The following SERINC5 variants were observed in gnomAD, a reference collection of about 807,000 sequenced individuals.
SERINC5 encodes the protein chromosome 5 open reading frame 12.
A neutral mutation model predicts 63.1 loss-of-function variants in SERINC5; 41 were observed. The ratio of observed to expected loss-of-function variants is 0.65; its 90% CI spans 0.51 to 0.84. The LOEUF is 0.84. Ranked by LOEUF, SERINC5 falls within the 40% of genes least tolerant of loss-of-function variation. The pLI is 0.00. For missense variants in SERINC5, 523 were observed against 573.0 expected, an observed-to-expected ratio of 0.91 and a Z score of 0.89; for synonymous variants, 222 against 215.2, an observed-to-expected ratio of 1.03 and a Z score of -0.28.
intron 9 of SERINC5, among the ~76,000 whole-genome samples, chr5:80,149,594 T>A (rs1746042218): frequency 6.6e-6 from 1 of 152,218 alleles, no homozygotes; most frequent in Admixed American, 6.5e-5. Flanking sequence ...GCTCAGCTCC[T>A]GGGCAGCAGT....
In SERINC5 at chr5:80,138,792, TGA is replaced by T. The variant is rs1003249118; in HGVS notation, c.*4869_*4870del. ...GGATCAGCATAGACTCCATGAAACT[TGA>T]GAGACCTGATTAACATCTGAAGGCA... On this transcript the variant is annotated 3_prime_UTR_variant, in exon 12 of 12. Transcript: ENST00000507668. 1.7e-5 allele frequency: 17 copies of T among 983,524 alleles called. No homozygotes were observed. Among genetic ancestry groups the T allele is most frequent in the African/African-American group, 1.6e-4 (9 of 57,186 alleles). The allele number at this position is 983,524 out of a possible 1,614,324, so 60.9% of individuals were successfully genotyped here.
chr5:80,245,135 TG>T (rs1459862139), intron 1 of SERINC5, among the ~76,000 whole-genome samples: 5 of 152,232 alleles, frequency 3.3e-5, no homozygotes, highest in Non-Finnish European at 4.4e-5. Flanking sequence ...CCTTTTGAAT[TG>T]GAGATGTTTC....
intron 7 of SERINC5, among the ~76,000 whole-genome samples, chr5:80,161,042 A>G (rs1381905039): frequency 7.8e-6 from 1 of 128,688 alleles, no homozygotes; most frequent in African/African-American, 3.8e-5. Flanking sequence ...ACGTGTATAT[A>G]TATATATGTA....
At chr5:80,158,230 A>AC (rs1746662646) in intron 8 of SERINC5, 1 of 152,322 alleles carries the variant, frequency 6.6e-6, no homozygotes. Context: ...AGGTGGAATA[A>AC]CCCCCACCAC....
intron 7 of SERINC5, among the ~76,000 whole-genome samples, chr5:80,161,795 G>C (rs1404463617): frequency 6.6e-6 from 1 of 152,160 alleles, no homozygotes; most frequent in Non-Finnish European, 1.5e-5. Context: ...ATATCCAGAA[G>C]AGTTTTCCTA....
chr5:80,196,767 T>A (rs1178756824), intron 2 of SERINC5, among the ~76,000 whole-genome samples: 4 of 151,928 alleles, frequency 2.6e-5, no homozygotes, highest in African/African-American at 9.7e-5. Flanking sequence ...GGTGAAACCC[T>A]GTCTCTACCA....
chr5:80,167,426 T>C (rs1747372013), intron 6 of SERINC5, among the ~76,000 whole-genome samples: 1 of 152,230 alleles, frequency 6.6e-6, no homozygotes. Context: ...TTCCTTTTTA[T>C]GGCTACACCG....
chr5:80,255,655 C>A lies in SERINC5; in HGVS notation c.27+241G>T, dbSNP rs368896103. Among the ~76,000 whole-genome samples, 11 of 152,342 alleles carry A rather than the reference C, an allele frequency of 7.2e-5. No individual in the cohort carries two copies. The South Asian group carries it at 2.1e-3, about 29-fold the overall frequency. On this transcript the variant is annotated intron_variant, in intron 1 of 11. Coordinates refer to ENST00000507668, the MANE Select transcript of SERINC5 (RefSeq NM_001174072.3). ...CGGCACGCCCCGCTCCACGCGGAGT[C>A]CCGGAGGCCGGACGGGAAGACCCCG...
downstream of SERINC5, among the ~76,000 whole-genome samples, chr5:80,137,969 A>G (rs553953475): frequency 1.3e-5 from 2 of 152,148 alleles, no homozygotes; most frequent in South Asian, 4.2e-4. Flanking sequence ...TATACACAAT[A>G]AAAAATTCAG....
At chr5:80,225,382 G>T (rs141050291) in intron 1 of SERINC5, among the ~76,000 whole-genome samples, 84 of 152,268 alleles carry the variant, frequency 5.5e-4, no homozygotes, top group African/African-American at 1.8e-3. Context: ...AAGTCCATTT[G>T]TTTGCAATAC....
chr5:80,132,463 A>C (rs1348331852), intron 11 of SERINC5, among the ~76,000 whole-genome samples: 1 of 152,094 alleles, frequency 6.6e-6, no homozygotes, highest in African/African-American at 2.4e-5. Flanking sequence ...GTATCTCCTC[A>C]TGTTGTTCCT....
chr5:80,151,060 G>A lies in SERINC5; in HGVS notation c.987-112C>T, dbSNP rs564426410. ...GACGAGAGCCTCAATGTAACCTACCGTTCAGGAGACTTAAATCAAAGCAAT... is the reference window on the plus strand; with the variant it reads ...GACGAGAGCCTCAATGTAACCTACCATTCAGGAGACTTAAATCAAAGCAAT... On this transcript the variant is annotated intron_variant, in intron 8 of 11. Transcript: ENST00000507668. The A allele has an allele frequency of 5.9e-5, 46 of 774,622 alleles. 1 individual carries two copies. The highest frequency in any genetic ancestry group is 4.1e-4 in the African/African-American group (24 of 58,542). 48.0% of individuals were successfully genotyped at this position (774,622 alleles called of 1,614,324 possible). A position where few individuals can be genotyped will look rare whatever the true frequency, so the allele number is the denominator to read the frequency against.
chr5:80,144,036 C>G (rs1377106561), intron 11 of SERINC5, among the ~76,000 whole-genome samples: 1 of 152,122 alleles, frequency 6.6e-6, no homozygotes, highest in East Asian at 1.9e-4. Flanking sequence ...TCAGCCCACC[C>G]CCCGCATTCA....
At chr5:80,171,086 T>C (rs989148727) in intron 5 of SERINC5, among the ~76,000 whole-genome samples, 1 of 152,006 alleles carries the variant, frequency 6.6e-6, no homozygotes, top group African/African-American at 2.4e-5. Flanking sequence ...TCTTGGCTCA[T>C]TGCAACCCCC....
chr5:80,217,492 C>T (rs1750720832), intron 1 of SERINC5, among the ~76,000 whole-genome samples: 1 of 152,194 alleles, frequency 6.6e-6, no homozygotes, highest in Non-Finnish European at 1.5e-5. Flanking sequence ...CATTTCACTG[C>T]TCTCAGAGAG....
chr5:80,112,468 A>C (rs11958490), intron 12 of SERINC5, among the ~76,000 whole-genome samples: 6,518 of 152,160 alleles, frequency 0.043, 464 homozygotes, highest in African/African-American at 0.15. Flanking sequence ...TGAAAATAGT[A>C]ATCAATAAAT....
intron 2 of SERINC5, among the ~76,000 whole-genome samples, chr5:80,202,471 G>A (rs774831154): frequency 1.3e-5 from 2 of 152,054 alleles, no homozygotes; most frequent in Non-Finnish European, 1.5e-5. Context: ...GGCTGGGAAG[G>A]GGGTGGATGA....
intron 11 of SERINC5, chr5:80,128,458 A>C (rs1744825112): frequency 6.6e-6 from 1 of 152,202 alleles, no homozygotes; most frequent in South Asian, 2.1e-4. Context: ...GCAATTCCTT[A>C]CTGATATAAT....
intron 1 of SERINC5, among the ~76,000 whole-genome samples, chr5:80,218,415 C>T (rs762255657): frequency 1.3e-5 from 2 of 152,238 alleles, no homozygotes; most frequent in Admixed American, 6.5e-5. Flanking sequence ...TGGCACATGC[C>T]CGTAATCCCA....
Sources: allele counts gnomAD v4.1 joint callset (sites outside exome capture counted in the v4.1 genomes callset), GRCh38; gene constraint gnomAD v4.1.1; transcripts MANE v1.5; gene names NCBI Gene and HGNC (gene_info 2026-07-23, HGNC 2026-07-21).